Variants in SH2B2 observed in about 807,000 individuals in gnomAD.
The protein encoded by SH2B2 is SH2B adaptor protein 2.
SH2B2 carries 37 observed loss-of-function variants against 35.7 expected under a neutral mutation model. The ratio of observed to expected loss-of-function variants is 1.04; its 90% CI spans 0.80 to 1.36. SH2B2 has a LOEUF of 1.36. Ranked by LOEUF, SH2B2 falls within the 40% of genes most tolerant of loss-of-function variation. The pLI is 0.00. For missense variants in SH2B2, 852 were observed against 817.7 expected, an observed-to-expected ratio of 1.04 and a Z score of -0.51; for synonymous variants, 383 against 376.4, an observed-to-expected ratio of 1.02 and a Z score of -0.20.
intron 7 of SH2B2, among the ~76,000 whole-genome samples, chr7:102,317,974 GA>G (rs1554557442): frequency 6.6e-6 from 1 of 152,094 alleles, no homozygotes; most frequent in East Asian, 1.9e-4. Context: ...CATTGGAGGG[GA>G]CAGCCTGATC....
intron 1 of SH2B2, among the ~76,000 whole-genome samples, chr7:102,294,988 G>T (rs1400451575): frequency 1.3e-5 from 2 of 152,086 alleles, no homozygotes; most frequent in Admixed American, 1.3e-4. Flanking sequence ...CTAGGACCTG[G>T]CCACACCTGC....
chr7:102,294,481 G>A (rs951627031), intron 1 of SH2B2, among the ~76,000 whole-genome samples: 20 of 152,186 alleles, frequency 1.3e-4, no homozygotes, highest in African/African-American at 4.3e-4. Context: ...TTATAACATT[G>A]CAGACACCAC....
intron 2 of SH2B2, among the ~76,000 whole-genome samples, chr7:102,304,949 G>C (rs74759029): frequency 0.043 from 6,482 of 152,110 alleles, 462 homozygotes; most frequent in African/African-American, 0.15. Context: ...TGGAGACAGC[G>C]CTGCTGGGAA....
intron 2 of SH2B2, among the ~76,000 whole-genome samples, chr7:102,302,279 G>A (rs1041214471): frequency 6.6e-6 from 1 of 152,234 alleles, no homozygotes; most frequent in African/African-American, 2.4e-5. Context: ...AGGAGTGACC[G>A]AGCACATTCG....
intron 1 of SH2B2, among the ~76,000 whole-genome samples, chr7:102,288,856 C>T (rs1489590457): frequency 6.6e-6 from 1 of 152,254 alleles, no homozygotes; most frequent in Non-Finnish European, 1.5e-5. Context: ...CCAACCACTC[C>T]TCTCTGACAA....
At chr7:102,315,746 A>G (rs1793803060) in intron 6 of SH2B2, among the ~76,000 whole-genome samples, 1 of 89,672 alleles carries the variant, frequency 1.1e-5, no homozygotes, top group Non-Finnish European at 2.7e-5. Flanking sequence ...TGTGAAAAGA[A>G]AAAAAAAAAA....
At chr7:102,293,045 C>T (rs1305352325) in intron 1 of SH2B2, 1 of 153,946 alleles carries the variant, frequency 6.5e-6, no homozygotes, top group African/African-American at 2.4e-5. Context: ...GGGCTCCTGC[C>T]TCTCCCCGCC....
intron 2 of SH2B2, among the ~76,000 whole-genome samples, chr7:102,305,181 G>T (rs1294694995): frequency 6.6e-6 from 1 of 152,230 alleles, no homozygotes; most frequent in African/African-American, 2.4e-5. Context: ...GCTCTGGAAG[G>T]TCGGGTCTGT....
At chr7:102,309,072 C>T (rs1793512303) in intron 4 of SH2B2, 166 bp downstream of exon 4, 1 of 716,872 alleles carries the variant, frequency 1.4e-6, no homozygotes, top group African/African-American at 1.7e-5. Flanking sequence ...TTAAAATACC[C>T]CCTACCTCCA....
intron 6 of SH2B2, 27 bp downstream of exon 6, chr7:102,314,709 C>G: frequency 2.5e-6 from 1 of 398,766 alleles, no homozygotes; most frequent in Non-Finnish European, 4.4e-6. Flanking sequence ...CCTGCTCTTC[C>G]CATCCCACCT....
chr7:102,310,252 G>T (rs809120), intron 4 of SH2B2, among the ~76,000 whole-genome samples: 7,100 of 152,256 alleles, frequency 0.047, 211 homozygotes, highest in Middle Eastern at 0.11. Context: ...GGAGGCAGAG[G>T]TTGCAGTGAG....
chr7:102,313,184 C>T (rs1468130627), intron 4 of SH2B2, among the ~76,000 whole-genome samples: 3 of 148,166 alleles, frequency 2.0e-5, no homozygotes, highest in African/African-American at 5.0e-5. Context: ...CAGTGGCTCA[C>T]GCCTGTAATC....
intron 1 of SH2B2, among the ~76,000 whole-genome samples, chr7:102,294,065 C>T (rs1554552208): frequency 1.3e-5 from 2 of 152,200 alleles, no homozygotes; most frequent in African/African-American, 4.8e-5. Flanking sequence ...GAGTCTCGCT[C>T]TGTTGCCCAG....
intron 7 of SH2B2, among the ~76,000 whole-genome samples, chr7:102,317,617 A>G (rs903971908): frequency 1.3e-5 from 2 of 152,198 alleles, no homozygotes; most frequent in East Asian, 3.8e-4. Flanking sequence ...CAGCCTCTGC[A>G]TTCTCCAGAA....
intron 1 of SH2B2, among the ~76,000 whole-genome samples, chr7:102,287,836 C>T (rs782080018): frequency 2.6e-5 from 4 of 152,174 alleles, no homozygotes; most frequent in Non-Finnish European, 5.9e-5. Flanking sequence ...TGGGGGCCTT[C>T]AGGGAGGGAA....
intron 6 of SH2B2, 137 bp downstream of exon 6, chr7:102,314,819 G>A (rs1445746612): frequency 3.5e-5 from 14 of 397,252 alleles, no homozygotes; most frequent in East Asian, 2.8e-4. Flanking sequence ...TCCTTCACAC[G>A]TCTCCGAAGT....
intron 8 of SH2B2, 87 bp from the exon 9 acceptor site, chr7:102,321,212 G>A: frequency 8.7e-7 from 1 of 1,154,412 alleles, no homozygotes; most frequent in Non-Finnish European, 1.1e-6. Context: ...CTGAGCGTGG[G>A]CCCTGGCCCC....
At chr7:102,307,308 C>T (rs781995172) in intron 3 of SH2B2, among the ~76,000 whole-genome samples, 4 of 152,216 alleles carry the variant, frequency 2.6e-5, no homozygotes, top group Admixed American at 1.3e-4. Flanking sequence ...AGGCCCCACA[C>T]CGCTGCCAGG....
At chr7:102,287,911 C>G (rs1792518052) in intron 1 of SH2B2, among the ~76,000 whole-genome samples, 1 of 152,208 alleles carries the variant, frequency 6.6e-6, no homozygotes, top group Admixed American at 6.5e-5. Flanking sequence ...AGGCGAGACT[C>G]TGAACACGAA....
Sources: gnomAD v4.1 joint callset for allele counts (sites outside exome capture counted in the v4.1 genomes callset) on GRCh38, gnomAD v4.1.1 for gene constraint, MANE v1.5 for transcripts, NCBI Gene and HGNC (gene_info 2026-07-23, HGNC 2026-07-21) for gene names.